The following PLA2G4E variants were observed in gnomAD, a reference collection of about 807,000 sequenced individuals.
The protein encoded by PLA2G4E is phospholipase A2 group IVE, also known as cytosolic phospholipase A2 epsilon.
PLA2G4E carries 84 observed loss-of-function variants against 109.1 expected under a neutral mutation model. The ratio of observed to expected loss-of-function variants is 0.77; its 90% CI spans 0.65 to 0.92. The LOEUF is 0.92. Ranked by LOEUF, PLA2G4E falls within the 40% of genes least tolerant of loss-of-function variation. The pLI is 0.00. For synonymous variants in PLA2G4E, 469 were observed against 436.1 expected, an observed-to-expected ratio of 1.08 and a Z score of -0.94; for missense variants, 1,057 against 1,076.6, an observed-to-expected ratio of 0.98 and a Z score of 0.25.
chr15:42,022,721 G>A (rs1398367429), intron 1 of PLA2G4E, among the ~76,000 whole-genome samples: 2 of 152,158 alleles, frequency 1.3e-5, no homozygotes, highest in African/African-American at 4.8e-5. Flanking sequence ...AAATACAGAT[G>A]AAGCTTCACT....
chr15:41,984,959 G>A (rs1186667433), intron 18 of PLA2G4E, among the ~76,000 whole-genome samples: 2 of 152,230 alleles, frequency 1.3e-5, no homozygotes, highest in African/African-American at 2.4e-5. Flanking sequence ...CCAGGCCCCT[G>A]TGGGATGTGC....
At chr15:41,996,994 G>A (rs1307240649) in intron 11 of PLA2G4E, 130 bp downstream of exon 11, 19 of 1,194,200 alleles carry the variant, frequency 1.6e-5, no homozygotes, top group South Asian at 1.3e-4. Flanking sequence ...TCACCAGGGC[G>A]CCTGTACCTC....
At chr15:42,010,237 T>C in intron 2 of PLA2G4E, 1 of 471,742 alleles carries the variant, frequency 2.1e-6, no homozygotes. Context: ...TGTAATGCAC[T>C]TGGCGCGCAT....
At chr15:41,996,609 G>A (rs992075627) in intron 11 of PLA2G4E, among the ~76,000 whole-genome samples, 12 of 152,228 alleles carry the variant, frequency 7.9e-5, no homozygotes, top group Admixed American at 1.3e-4. Context: ...AGAGGGCTGT[G>A]ACAGAGGCCC....
At chr15:41,985,699 CT>C in intron 18 of PLA2G4E, 139 bp downstream of exon 18, 3 of 1,094,652 alleles carry the variant, frequency 2.7e-6, no homozygotes, top group Non-Finnish European at 3.9e-6. Context: ...ATCATGACTG[CT>C]GCTTGGCTTC....
At chr15:41,983,958 A>C in exon 20 of PLA2G4E, 1 of 1,608,904 alleles carries the variant, frequency 6.2e-7, no homozygotes, top group Non-Finnish European at 8.5e-7. Flanking sequence ...CCAGCTCCTC[A>C]GGGCTTCGCT....
exon 20 of PLA2G4E, chr15:41,982,020 A>G (rs761295500): frequency 6.6e-6 from 1 of 152,148 alleles, no homozygotes; most frequent in Non-Finnish European, 1.5e-5. Context: ...CTAATTTAGT[A>G]CAGCTGGGCT....
Position 42,013,554 on chromosome 15 carries a change from G to A in PLA2G4E, c.256+131C>T, listed in dbSNP as rs1435708232. The stretch of plus-strand genomic sequence containing the variant: ...TGCACATACATGCACACACATACAC[G>A]TATACACCATGCACGTGCACACGTG... On this transcript the variant is annotated intron_variant, in intron 2 of 19. Coordinates refer to ENST00000399518, the Ensembl canonical transcript of PLA2G4E. The A allele has an allele frequency of 5.1e-5, 41 of 810,046 alleles. 1 individual carries two copies. Among genetic ancestry groups the A allele is most frequent in the Non-Finnish European group, 7.8e-5 (39 of 500,236 alleles). 50.2% of individuals were successfully genotyped at this position (810,046 alleles called of 1,614,324 possible). A position where few individuals can be genotyped will look rare whatever the true frequency, so the allele number is the denominator to read the frequency against.
chr15:42,018,831 CT>C (rs1430136178), intron 1 of PLA2G4E, among the ~76,000 whole-genome samples: 2 of 152,180 alleles, frequency 1.3e-5, no homozygotes, highest in Non-Finnish European at 2.9e-5. Flanking sequence ...GAGGCAGCCC[CT>C]TGAATCTCAG....
rs1230338346 is a variant in PLA2G4E, at chr15:42,050,541, T to C, written c.163A>G (p.Met55Val). Reference sequence around the variant, plus strand: ...CATACCTCAGAGCCCCAAGGAGCCATAGGACAGAAAGGTGGGAGACCAGGA... The same window carrying C: ...CATACCTCAGAGCCCCAAGGAGCCACAGGACAGAAAGGTGGGAGACCAGGA... Residue 55 changes from methionine to valine, a missense_variant, in exon 1 of 20, where the codon ATG (methionine) becomes GTG (valine). By Grantham distance (21) the Met-to-Val change is conservative. Coordinates refer to ENST00000399518, the Ensembl canonical transcript of PLA2G4E. The C allele has an allele frequency of 1.3e-5, 20 of 1,550,526 alleles. No individual in the cohort carries two copies. Among genetic ancestry groups the C allele is most frequent in the Admixed American group, 2.0e-5 (1 of 51,006 alleles).
At chr15:42,008,592 T>A (rs1673229942) in intron 2 of PLA2G4E, among the ~76,000 whole-genome samples, 1 of 152,202 alleles carries the variant, frequency 6.6e-6, no homozygotes, top group Admixed American at 6.5e-5. Flanking sequence ...GACAGAGGCT[T>A]TGACCCCAAC....
intron 17 of PLA2G4E, chr15:41,986,801 A>C: frequency 3.8e-6 from 1 of 261,998 alleles, no homozygotes; most frequent in Non-Finnish European, 7.4e-6. Flanking sequence ...TGTTACAGGT[A>C]TGAGCCACTG....
intron 1 of PLA2G4E, among the ~76,000 whole-genome samples, chr15:42,038,940 C>G (rs1192407144): frequency 6.6e-6 from 1 of 152,288 alleles, no homozygotes; most frequent in Non-Finnish European, 1.5e-5. Flanking sequence ...GGGGTATCAT[C>G]TGACTTTTTG....
At chr15:42,036,018 G>A (rs1333220380) in intron 1 of PLA2G4E, among the ~76,000 whole-genome samples, 5 of 151,938 alleles carry the variant, frequency 3.3e-5, no homozygotes. Context: ...CTTTACATTA[G>A]GCTTGTAAGA....
chr15:42,048,251 C>A (rs1378340601), intron 1 of PLA2G4E, among the ~76,000 whole-genome samples: 2 of 152,130 alleles, frequency 1.3e-5, no homozygotes, highest in Non-Finnish European at 2.9e-5. Context: ...GTGTAGTGAG[C>A]TATGCTACCT....
In PLA2G4E at chr15:41,995,518, C is replaced by G. The variant is rs995089302; in HGVS notation, c.1111-22G>C. 5 of 1,608,568 alleles carry G rather than the reference C, an allele frequency of 3.1e-6. No individual in the cohort carries two copies. The East Asian group carries it at 1.1e-4, about 36-fold the overall frequency. ...GCACCTGGGGTTACACAGAGGCAGG[C>G]GGTTGGGGAAGGCTCCAGAAGCAAA... On this transcript the variant is annotated intron_variant, in intron 11 of 19. Transcript: ENST00000399518.
exon 20 of PLA2G4E, chr15:41,983,916 T>C (rs769217338): frequency 1.9e-6 from 3 of 1,613,338 alleles, no homozygotes; most frequent in Non-Finnish European, 1.7e-6. Context: ...CATAGGGAGT[T>C]TTGGGACCAT....
At chr15:41,994,703 A>G (rs2068309642) in intron 12 of PLA2G4E, among the ~76,000 whole-genome samples, 1 of 152,224 alleles carries the variant, frequency 6.6e-6, no homozygotes, top group African/African-American at 2.4e-5. Flanking sequence ...TGCTGGCCAC[A>G]TAAAAAATAT....
intron 13 of PLA2G4E, among the ~76,000 whole-genome samples, chr15:41,991,060 T>A (rs2068240038): frequency 6.6e-6 from 1 of 151,988 alleles, no homozygotes; most frequent in Non-Finnish European, 1.5e-5. Context: ...GAAAACAGGG[T>A]CATAACTGGG....
Sources: gnomAD v4.1 joint callset for allele counts (sites outside exome capture counted in the v4.1 genomes callset) on GRCh38, gnomAD v4.1.1 for gene constraint, MANE v1.5 for transcripts, NCBI Gene and HGNC (gene_info 2026-07-23, HGNC 2026-07-21) for gene names.